Variants in ENOX2 observed in about 807,000 individuals in gnomAD.
ENOX2 encodes ecto-NOX disulfide-thiol exchanger 2.
In ENOX2, 36 loss-of-function variants were observed where a neutral mutation model predicts 45.0. The ratio of observed to expected loss-of-function variants is 0.80; its 90% CI spans 0.61 to 1.06. The LOEUF is 1.06. ENOX2 is among the 50% of genes least tolerant of loss of function. ENOX2 has a pLI of 0.00. For missense variants in ENOX2, 423 were observed against 462.5 expected, an observed-to-expected ratio of 0.91 and a Z score of 0.78; for synonymous variants, 174 against 152.3, an observed-to-expected ratio of 1.14 and a Z score of -1.05.
In ENOX2 at chrX:130,848,630, T is replaced by G. The variant is rs367659531; in HGVS notation, c.-183+53054A>C. Among the ~76,000 whole-genome samples, 5 of 112,008 alleles carry G rather than the reference T, an allele frequency of 4.5e-5. No individual in the cohort carries two copies. The South Asian group carries it at 1.9e-3, about 42-fold the overall frequency. On this transcript the variant is annotated intron_variant, in intron 2 of 14. Coordinates refer to ENST00000394363, the MANE Select transcript of ENOX2 (RefSeq NM_006375.4). ...CAACAGCAGTAGCAGCAGTGGCTGA[T>G]GGCAGCAGACCCTTCCTAAAGCAAT...
intron 3 of ENOX2, among the ~76,000 whole-genome samples, chrX:130,766,036 G>T (rs1459274552): frequency 9.0e-6 from 1 of 111,286 alleles, no homozygotes; most frequent in Non-Finnish European, 1.9e-5. Context: ...ACATAAGAAA[G>T]AAATCAATTA....
At chrX:130,738,086 C>G (rs2038902355) in intron 3 of ENOX2, among the ~76,000 whole-genome samples, 1 of 112,151 alleles carries the variant, frequency 8.9e-6, no homozygotes, top group Non-Finnish European at 1.9e-5. Context: ...AGTTTCTACT[C>G]TGATGTTATA....
At chrX:130,795,525 T>G (rs2077108326) in intron 2 of ENOX2, among the ~76,000 whole-genome samples, 1 of 112,459 alleles carries the variant, frequency 8.9e-6, no homozygotes, top group Non-Finnish European at 1.9e-5. Context: ...TCTCTCTTTA[T>G]TTGTCCAATT....
intron 2 of ENOX2, among the ~76,000 whole-genome samples, chrX:130,890,363 T>C (rs1224370779): frequency 5.4e-5 from 6 of 111,506 alleles, no homozygotes; most frequent in Admixed American, 9.5e-5. Context: ...TAAGCACTAA[T>C]GGTTCCCTAA....
intron 10 of ENOX2, among the ~76,000 whole-genome samples, chrX:130,654,294 G>C (rs1242664572): frequency 1.8e-5 from 2 of 111,562 alleles, no homozygotes; most frequent in African/African-American, 3.3e-5. Context: ...GGCTAATATA[G>C]AGTCTCTCAA....
intron 3 of ENOX2, among the ~76,000 whole-genome samples, chrX:130,776,711 C>T (rs1056200777): frequency 1.8e-5 from 2 of 111,818 alleles, no homozygotes; most frequent in Non-Finnish European, 3.8e-5. Context: ...AACACAACCA[C>T]AGACAAAACA....
intron 4 of ENOX2, among the ~76,000 whole-genome samples, chrX:130,698,654 A>C (rs773852219): frequency 8.9e-6 from 1 of 112,008 alleles, no homozygotes; most frequent in Admixed American, 9.5e-5. Context: ...ATTAAAAATA[A>C]TACAAACCGA....
chrX:130,873,524 C>G (rs1332011653), intron 2 of ENOX2, among the ~76,000 whole-genome samples: 1 of 111,572 alleles, frequency 9.0e-6, no homozygotes, highest in Non-Finnish European at 1.9e-5. Flanking sequence ...TACCATTTGA[C>G]CCAGCAATCC....
chrX:130,821,742 T>TAAAAAAAAAAAAAAAAAAA, intron 2 of ENOX2, among the ~76,000 whole-genome samples: 18 of 23,158 alleles, frequency 7.8e-4, no homozygotes, highest in Non-Finnish European at 8.4e-4. Flanking sequence ...ATAAATAAAT[T>TAAAAAAAAAAAAAAAAAAA]AAAAAAAAAA....
intron 10 of ENOX2, among the ~76,000 whole-genome samples, chrX:130,654,646 G>A (rs12388455): frequency 0.012 from 1,399 of 112,139 alleles, 21 homozygotes; most frequent in African/African-American, 0.043. Flanking sequence ...AAAATGCACA[G>A]AAGTCCTTGA....
chrX:130,811,084 TGCAGACTCA>T (rs1234994462), intron 2 of ENOX2, among the ~76,000 whole-genome samples: 1 of 111,835 alleles, frequency 8.9e-6, no homozygotes, highest in Non-Finnish European at 1.9e-5. Context: ...GAATCACCCC[TGCAGACTCA>T]GGCTCTAGGC....
At chrX:130,686,149 A>G (rs749511418) in intron 5 of ENOX2, among the ~76,000 whole-genome samples, 1 of 110,849 alleles carries the variant, frequency 9.0e-6, no homozygotes, top group South Asian at 4.0e-4. Flanking sequence ...TATAATTGAT[A>G]TGGTTCGGCC....
chrX:130,669,277 C>T, intron 7 of ENOX2, among the ~76,000 whole-genome samples: 1 of 111,958 alleles, frequency 8.9e-6, no homozygotes, highest in Middle Eastern at 4.2e-3. Flanking sequence ...GACAGGAGAC[C>T]AGGCAGAGCA....
At chrX:130,769,426 G>A (rs1247803084) in intron 3 of ENOX2, among the ~76,000 whole-genome samples, 1 of 112,080 alleles carries the variant, frequency 8.9e-6, no homozygotes, top group African/African-American at 3.2e-5. Context: ...CCTGAAATCA[G>A]AGGATAATAA....
intron 6 of ENOX2, among the ~76,000 whole-genome samples, chrX:130,672,606 T>C (rs1407086150): frequency 8.9e-6 from 1 of 112,275 alleles, no homozygotes; most frequent in Non-Finnish European, 1.9e-5. Context: ...AAAGAATAGG[T>C]GAGCCACAAA....
chrX:130,718,866 C>T (rs191670826), intron 3 of ENOX2, among the ~76,000 whole-genome samples: 8 of 111,900 alleles, frequency 7.1e-5, no homozygotes, highest in African/African-American at 2.6e-4. Context: ...CTCTGGTCTA[C>T]GTCAGTGCCG....
At chrX:130,667,248 T>C (rs748527266) in intron 8 of ENOX2, among the ~76,000 whole-genome samples, 1 of 112,034 alleles carries the variant, frequency 8.9e-6, no homozygotes, top group East Asian at 2.8e-4. Context: ...CAGCCCTCTA[T>C]TGAGGCCCAG....
intron 2 of ENOX2, among the ~76,000 whole-genome samples, chrX:130,867,281 T>C (rs1399271481): frequency 8.9e-6 from 1 of 111,800 alleles, no homozygotes; most frequent in Non-Finnish European, 1.9e-5. Context: ...AAATATATAG[T>C]TGGAAAATGG....
At chrX:130,740,571 C>T (rs2038959336) in intron 3 of ENOX2, among the ~76,000 whole-genome samples, 1 of 110,651 alleles carries the variant, frequency 9.0e-6, no homozygotes, top group Non-Finnish European at 1.9e-5. Flanking sequence ...ATTTAACTGG[C>T]GGAGGGGAGG....
Sources: allele counts gnomAD v4.1 joint callset (sites outside exome capture counted in the v4.1 genomes callset), GRCh38; gene constraint gnomAD v4.1.1; transcripts MANE v1.5; gene names NCBI Gene and HGNC (gene_info 2026-07-23, HGNC 2026-07-21).